POPDC1: variants seen among roughly 807,000 people sequenced by gnomAD.
POPDC1 encodes popeye domain cAMP effector 1.
At chr6:105,108,129 C>T in the POPDC1 span, among the ~76,000 whole-genome samples, 4 of 152,106 alleles carry the variant, frequency 2.6e-5, no homozygotes, top group African/African-American at 7.2e-5. Context: ...AGCTGTACAG[C>T]GCGCAAGGTG....
chr6:105,128,879 AGAGTT>A, the POPDC1 span, among the ~76,000 whole-genome samples: 141 of 152,320 alleles, frequency 9.3e-4, no homozygotes, highest in African/African-American at 3.3e-3. Flanking sequence ...AAGATAAATC[AGAGTT>A]GAAAAGAAAA....
the POPDC1 span, chr6:105,124,755 G>C: frequency 1.2e-6 from 1 of 868,282 alleles, no homozygotes; most frequent in Non-Finnish European, 1.8e-6. Flanking sequence ...TTGTAGTACA[G>C]TTTTAAAAAT....
At chr6:105,103,606 A>G in the POPDC1 span, among the ~76,000 whole-genome samples, 1 of 152,248 alleles carries the variant, frequency 6.6e-6, no homozygotes, top group Non-Finnish European at 1.5e-5. Context: ...GGCATGTCTA[A>G]GAGCATTAAA....
At chr6:105,101,007 TAAAAGCCATG>T in the POPDC1 span, 1 of 1,499,394 alleles carries the variant, frequency 6.7e-7, no homozygotes, top group Admixed American at 2.2e-5. Context: ...CAGAATAACC[TAAAAGCCATG>T]AAAAAGTGCT....
the POPDC1 span, chr6:105,097,869 C>T: frequency 6.6e-6 from 1 of 152,166 alleles, no homozygotes; most frequent in African/African-American, 2.4e-5. Flanking sequence ...AATTATATAG[C>T]ACCCATTATT....
chr6:105,131,779 C>T, the POPDC1 span, among the ~76,000 whole-genome samples: 31 of 152,036 alleles, frequency 2.0e-4, no homozygotes, highest in African/African-American at 7.2e-4. Context: ...TGGTTCATTC[C>T]ACCTCCAAAA....
the POPDC1 span, among the ~76,000 whole-genome samples, chr6:105,126,120 G>A: frequency 6.6e-6 from 1 of 152,008 alleles, no homozygotes; most frequent in African/African-American, 2.4e-5. Flanking sequence ...CAGCTACTCA[G>A]GAGGCTGAGG....
the POPDC1 span, chr6:105,098,356 C>G: frequency 1.3e-5 from 2 of 152,174 alleles, no homozygotes; most frequent in African/African-American, 2.4e-5. Context: ...AATAGTCTCA[C>G]GTTTCCCATT....
the POPDC1 span, among the ~76,000 whole-genome samples, chr6:105,109,246 C>T: frequency 6.6e-6 from 1 of 152,144 alleles, no homozygotes; most frequent in African/African-American, 2.4e-5. Flanking sequence ...GAGTGAGCCA[C>T]TGGGCCCAGC....
the POPDC1 span, among the ~76,000 whole-genome samples, chr6:105,106,452 C>G: frequency 2.0e-5 from 3 of 152,214 alleles, no homozygotes; most frequent in Non-Finnish European, 4.4e-5. Flanking sequence ...GGACCCTGAG[C>G]ACATGCGGAA....
the POPDC1 span, among the ~76,000 whole-genome samples, chr6:105,113,364 T>C: frequency 6.6e-6 from 1 of 152,174 alleles, no homozygotes; most frequent in Admixed American, 6.5e-5. Flanking sequence ...ACACCCGCTG[T>C]AGTAGACTGT....
At chr6:105,105,721 C>T in the POPDC1 span, among the ~76,000 whole-genome samples, 1 of 123,444 alleles carries the variant, frequency 8.1e-6, no homozygotes, top group African/African-American at 2.5e-5. Flanking sequence ...ATAACTTCTA[C>T]AGGTTTGCCT....
At chr6:105,127,268 T>G in the POPDC1 span, among the ~76,000 whole-genome samples, 1 of 152,180 alleles carries the variant, frequency 6.6e-6, no homozygotes, top group Non-Finnish European at 1.5e-5. Context: ...CACTAAGCGA[T>G]TTACCTATTT....
At chr6:105,133,350 A>G in the POPDC1 span, 2 of 1,606,430 alleles carry the variant, frequency 1.2e-6, no homozygotes, top group Non-Finnish European at 1.7e-6. Context: ...TAGGTATCTT[A>G]CCTAGAGTTA....
At chr6:105,116,433 T>C in the POPDC1 span, among the ~76,000 whole-genome samples, 3 of 150,864 alleles carry the variant, frequency 2.0e-5, no homozygotes, top group South Asian at 6.2e-4. Flanking sequence ...CTCCACCCCC[T>C]CTTACTCCTT....
At chr6:105,126,497 C>T in the POPDC1 span, among the ~76,000 whole-genome samples, 3 of 151,892 alleles carry the variant, frequency 2.0e-5, no homozygotes, top group Admixed American at 6.6e-5. Context: ...AAGATCCGCA[C>T]TATTCATCAT....
At chr6:105,132,313 T>C in the POPDC1 span, among the ~76,000 whole-genome samples, 1 of 152,188 alleles carries the variant, frequency 6.6e-6, no homozygotes, top group Admixed American at 6.5e-5. Flanking sequence ...CACCCCAATA[T>C]GCTCAATTTC....
the POPDC1 span, among the ~76,000 whole-genome samples, chr6:105,129,797 C>T: frequency 6.6e-5 from 10 of 152,186 alleles, no homozygotes; most frequent in Admixed American, 5.9e-4. Flanking sequence ...TAGCAAAACA[C>T]TGCAAGATTT....
chr6:105,112,050 A>C, the POPDC1 span, among the ~76,000 whole-genome samples: 1 of 152,198 alleles, frequency 6.6e-6, no homozygotes, highest in African/African-American at 2.4e-5. Context: ...TTTCCTACTC[A>C]AAGTGTAGTT....
Sources: allele counts gnomAD v4.1 joint callset (sites outside exome capture counted in the v4.1 genomes callset), GRCh38; gene constraint gnomAD v4.1.1; transcripts MANE v1.5; gene names NCBI Gene and HGNC (gene_info 2026-07-23, HGNC 2026-07-21).